SPPL3: variants seen among roughly 807,000 people sequenced by gnomAD.
SPPL3 encodes signal peptide peptidase like 3, also known as signal peptide peptidase-like 3.
SPPL3 carries 5 observed loss-of-function variants against 42.4 expected under a neutral mutation model. The ratio of observed to expected loss-of-function variants is 0.12; its 90% CI spans 0.06 to 0.25. The LOEUF is 0.25. Ranked by LOEUF, SPPL3 falls within the 10% of genes least tolerant of loss-of-function variation. The probability of loss-of-function intolerance (pLI) is 1.00; values close to 1 mark genes in which losing one functional copy is unlikely to be tolerated. For missense variants in SPPL3, 235 were observed against 489.0 expected (o/e 0.48, Z 4.90); for synonymous variants, 195 against 181.8 (o/e 1.07, Z -0.58).
At position 120,830,215 on chromosome 12, in the gene SPPL3, A is replaced by C. The variant is rs374582502; in HGVS notation, c.24-19329T>G. Among the ~76,000 whole-genome samples the C allele has an allele frequency of 2.5e-4, 31 of 124,738 alleles. No homozygotes were observed. In the East Asian group the frequency reaches 4.6e-3, roughly 19 times the overall value. The allele number at this position is 124,738 out of a possible 152,430, so 81.8% of individuals were successfully genotyped here. A position where few individuals can be genotyped will look rare whatever the true frequency, so the allele number is the denominator to read the frequency against. On this transcript the variant is annotated intron_variant, in intron 1 of 10. Coordinates refer to ENST00000353487, the MANE Select transcript of SPPL3 (RefSeq NM_139015.5). ...TGAACACAGAGCATGAGTGAAAAAGAAGCCAAAGATGACTACGACCAAGCA... is the reference window on the plus strand; with the variant it reads ...TGAACACAGAGCATGAGTGAAAAAGCAGCCAAAGATGACTACGACCAAGCA...
At chr12:120,766,804 C>G (rs987888076) in intron 9 of SPPL3, among the ~76,000 whole-genome samples, 1 of 152,252 alleles carries the variant, frequency 6.6e-6, no homozygotes, top group African/African-American at 2.4e-5. Context: ...CCTTGCCCCT[C>G]TGAGTTTGTG....
intron 5 of SPPL3, among the ~76,000 whole-genome samples, chr12:120,783,046 G>A (rs532664373): frequency 3.9e-5 from 6 of 152,240 alleles, no homozygotes; most frequent in African/African-American, 1.4e-4. Flanking sequence ...AAGTATGGAG[G>A]AAATTCTATT....
chr12:120,828,669 C>T (rs191978369), intron 1 of SPPL3, among the ~76,000 whole-genome samples: 10 of 152,328 alleles, frequency 6.6e-5, no homozygotes, highest in Admixed American at 6.5e-4. Flanking sequence ...GTGAGGAATA[C>T]ACGTACTGTT....
chr12:120,791,611 A>G, intron 2 of SPPL3, 54 bp from the exon 3 acceptor site: 1 of 1,205,924 alleles, frequency 8.3e-7, no homozygotes, highest in Non-Finnish European at 1.2e-6. Context: ...AAAGAAGGTC[A>G]GAAAAGTCAT....
intron 1 of SPPL3, among the ~76,000 whole-genome samples, chr12:120,858,813 T>C (rs1592999171): frequency 6.6e-6 from 1 of 152,190 alleles, no homozygotes; most frequent in Admixed American, 6.5e-5. Flanking sequence ...CACTAGTCTC[T>C]GACAGCAACG....
chr12:120,871,814 T>C (rs1303155755), intron 1 of SPPL3, among the ~76,000 whole-genome samples: 1 of 152,180 alleles, frequency 6.6e-6, no homozygotes, highest in Non-Finnish European at 1.5e-5. Flanking sequence ...TCCTTCCATA[T>C]ACTTTAAATC....
rs1872289351 is a variant in SPPL3 at position 120,852,783 on chromosome 12, TATTTC to T, written c.24-41902_24-41898del. Reference sequence around the variant, plus strand: ...ATCTATGTATATTATATATAAAATATATTTCATATATCATATATACATATATGAAA... The same window carrying T: ...ATCTATGTATATTATATATAAAATATATATATCATATATACATATATGAAA... On this transcript the variant is annotated intron_variant, in intron 1 of 10. Coordinates refer to ENST00000353487, the MANE Select transcript of SPPL3 (RefSeq NM_139015.5). Among the ~76,000 whole-genome samples, 3 of 143,812 alleles carry T rather than the reference TATTTC, an allele frequency of 2.1e-5. 1 individual carries two copies. In the South Asian group the frequency reaches 6.3e-4, roughly 30 times the overall value. The allele number at this position is 143,812 out of a possible 152,430, so 94.3% of individuals were successfully genotyped here. A position where few individuals can be genotyped will look rare whatever the true frequency, so the allele number is the denominator to read the frequency against.
chr12:120,894,243 G>C (rs1014750795), intron 1 of SPPL3, among the ~76,000 whole-genome samples: 4 of 152,224 alleles, frequency 2.6e-5, no homozygotes, highest in Non-Finnish European at 2.9e-5. Context: ...AGAATCACTT[G>C]AACCCGGGAG....
At position 120,881,958 on chromosome 12, in the gene SPPL3, A is replaced by C. The variant is rs369416991; in HGVS notation, c.23+21887T>G. Among the ~76,000 whole-genome samples, 3 of 152,174 alleles carry C rather than the reference A, an allele frequency of 2.0e-5. No homozygotes were observed. The East Asian group carries it at 5.8e-4, about 29-fold the overall frequency. ...TTTAATGGGTACAGTAGTTCCGATT[A>C]AACTTATCTATGGTTTCACCTTCCA... is the stretch of plus-strand genomic sequence containing the variant. On this transcript the variant is annotated intron_variant, in intron 1 of 10. Transcript: ENST00000353487.
At chr12:120,874,462 A>G (rs989679156) in intron 1 of SPPL3, among the ~76,000 whole-genome samples, 1 of 151,804 alleles carries the variant, frequency 6.6e-6, no homozygotes, top group Non-Finnish European at 1.5e-5. Context: ...CAAAAAAAAA[A>G]AAAAAAAAGA....
chr12:120,861,618 T>C (rs1872620138), intron 1 of SPPL3, among the ~76,000 whole-genome samples: 1 of 152,178 alleles, frequency 6.6e-6, no homozygotes, highest in African/African-American at 2.4e-5. Flanking sequence ...AAACGCATCC[T>C]AGCAGCGGAC....
chr12:120,881,355 G>A (rs929227073), intron 1 of SPPL3, among the ~76,000 whole-genome samples: 1 of 149,904 alleles, frequency 6.7e-6, no homozygotes, highest in African/African-American at 2.5e-5. Flanking sequence ...TGTAATCCCA[G>A]CTACTTGGGA....
At chr12:120,832,784 C>A (rs1871470541) in intron 1 of SPPL3, among the ~76,000 whole-genome samples, 1 of 152,136 alleles carries the variant, frequency 6.6e-6, no homozygotes. Flanking sequence ...GCTCACCATA[C>A]CATATAGGAG....
chr12:120,839,632 A>G (rs1871740614), intron 1 of SPPL3, among the ~76,000 whole-genome samples: 1 of 152,198 alleles, frequency 6.6e-6, no homozygotes, highest in Non-Finnish European at 1.5e-5. Flanking sequence ...CTGCAGCTAA[A>G]TGATTTTTTC....
chr12:120,837,913 A>G (rs989213808), intron 1 of SPPL3, among the ~76,000 whole-genome samples: 2 of 152,192 alleles, frequency 1.3e-5, no homozygotes, highest in Admixed American at 1.3e-4. Flanking sequence ...GGGCGACTGT[A>G]ATCCCAGCTA....
intron 2 of SPPL3, among the ~76,000 whole-genome samples, chr12:120,792,206 G>A (rs1261315541): frequency 1.3e-5 from 2 of 152,184 alleles, no homozygotes; most frequent in African/African-American, 4.8e-5. Flanking sequence ...GAACAGGAAG[G>A]CCTCACTGAC....
At position 120,763,962 on chromosome 12, in the gene SPPL3, G is replaced by A. The variant is rs1456490129; in HGVS notation, c.*1037C>T. 6.6e-6 allele frequency: 1 copy of A among 152,590 alleles called. No homozygotes were observed. Among genetic ancestry groups the A allele is most frequent in the Non-Finnish European group, 1.5e-5 (1 of 68,036 alleles). 9.5% of individuals were successfully genotyped at this position (152,590 alleles called of 1,614,324 possible). On this transcript the variant is annotated 3_prime_UTR_variant, in exon 11 of 11. Transcript: ENST00000353487. The stretch of plus-strand genomic sequence containing the variant: ...ATGAGAAAGCACAAAGACACCTGCT[G>A]CTATAATACATGCATTGGCTCGAGA...
At chr12:120,793,896 T>A (rs577225742) in intron 2 of SPPL3, among the ~76,000 whole-genome samples, 1 of 152,340 alleles carries the variant, frequency 6.6e-6, no homozygotes, top group Admixed American at 6.5e-5. Context: ...GATGGAACAT[T>A]CTATAAATGT....
chr12:120,830,801 A>G (rs1288341459), intron 1 of SPPL3, among the ~76,000 whole-genome samples: 2 of 152,056 alleles, frequency 1.3e-5, no homozygotes, highest in Non-Finnish European at 2.9e-5. Flanking sequence ...CCTAGAAGGA[A>G]GCCCAGCCAT....
Sources: gnomAD v4.1 joint callset for allele counts (sites outside exome capture counted in the v4.1 genomes callset) on GRCh38, gnomAD v4.1.1 for gene constraint, MANE v1.5 for transcripts, NCBI Gene and HGNC (gene_info 2026-07-23, HGNC 2026-07-21) for gene names.